Variants in LRP1B observed in about 807,000 individuals in gnomAD.
LRP1B encodes LDL receptor related protein 1B, also known as low-density lipoprotein receptor-related protein 1B.
Under a neutral mutation model 556.6 loss-of-function variants are expected in LRP1B, and 217 were observed. That is an observed-to-expected ratio of 0.39 (90% CI 0.35 to 0.44). LRP1B has a LOEUF of 0.44. Among genes scored for constraint, LRP1B ranks in the 20% least tolerant of loss-of-function variants. LRP1B has a pLI of 1.00. For missense variants in LRP1B, 5,053 were observed against 5,620.8 expected, an observed-to-expected ratio of 0.90 and a Z score of 3.23; for synonymous variants, 2,047 against 1,865.8, an observed-to-expected ratio of 1.10 and a Z score of -2.50.
chr2:141,314,896 A>ATGTG (rs1686960832), intron 3 of LRP1B, among the ~76,000 whole-genome samples: 1 of 126,120 alleles, frequency 7.9e-6, no homozygotes, highest in East Asian at 2.4e-4. Flanking sequence ...ACATATATAC[A>ATGTG]TATATATATA....
intron 7 of LRP1B, among the ~76,000 whole-genome samples, chr2:141,140,354 G>A (rs1285631689): frequency 1.3e-5 from 2 of 151,980 alleles, no homozygotes; most frequent in African/African-American, 4.8e-5. Context: ...CAGAATAAAA[G>A]AAATCTATTA....
intron 1 of LRP1B, among the ~76,000 whole-genome samples, chr2:141,926,478 T>C (rs1461199738): frequency 1.3e-5 from 2 of 152,076 alleles, no homozygotes; most frequent in East Asian, 1.9e-4. Context: ...AAACTCTAAA[T>C]AAAACAAACA....
intron 2 of LRP1B, among the ~76,000 whole-genome samples, chr2:141,532,875 A>G (rs1684936363): frequency 6.6e-6 from 1 of 152,160 alleles, no homozygotes; most frequent in South Asian, 2.1e-4. Context: ...AATCCCAGCT[A>G]CTTGGGAGGC....
At chr2:140,415,985 G>T (rs764928495) in intron 66 of LRP1B, among the ~76,000 whole-genome samples, 30 of 152,168 alleles carry the variant, frequency 2.0e-4, no homozygotes, top group Admixed American at 3.9e-4. Flanking sequence ...AGGCTGAATT[G>T]GTCTCCTAGT....
At chr2:141,438,286 T>C (rs1029682955) in intron 3 of LRP1B, among the ~76,000 whole-genome samples, 1 of 152,176 alleles carries the variant, frequency 6.6e-6, no homozygotes, top group Non-Finnish European at 1.5e-5. Context: ...TGTGTATGTG[T>C]GTGCATGTGT....
At chr2:141,976,948 A>C (rs1288948843) in intron 1 of LRP1B, among the ~76,000 whole-genome samples, 5 of 152,188 alleles carry the variant, frequency 3.3e-5, no homozygotes, top group Non-Finnish European at 5.9e-5. Context: ...TATGCTGAAC[A>C]TTATGAATGA....
intron 2 of LRP1B, among the ~76,000 whole-genome samples, chr2:141,510,284 T>C (rs1684080191): frequency 6.6e-6 from 1 of 151,694 alleles, no homozygotes; most frequent in African/African-American, 2.4e-5. Context: ...CATATACGTA[T>C]GTGCAGAAAT....
chr2:140,438,693 C>A (rs1401118), intron 66 of LRP1B, among the ~76,000 whole-genome samples: 1,796 of 152,198 alleles, frequency 0.012, 36 homozygotes, highest in African/African-American at 0.041. Context: ...ATAGCTAACA[C>A]ATTAATTAAA....
chr2:141,050,833 G>T (rs1044424774), intron 10 of LRP1B, among the ~76,000 whole-genome samples: 9 of 152,064 alleles, frequency 5.9e-5, no homozygotes, highest in African/African-American at 2.2e-4. Flanking sequence ...ACTAGCATCA[G>T]AGTGAATGGG....
At chr2:140,527,808 T>A (rs1003985889) in intron 47 of LRP1B, among the ~76,000 whole-genome samples, 8 of 151,930 alleles carry the variant, frequency 5.3e-5, no homozygotes, top group African/African-American at 1.9e-4. Context: ...ATCATGTCAA[T>A]CATTTACCTT....
chr2:140,633,062 C>CAAAAA (rs1342006327), intron 41 of LRP1B, among the ~76,000 whole-genome samples: 8 of 111,780 alleles, frequency 7.2e-5, no homozygotes, highest in South Asian at 2.8e-4. Context: ...GATTCAGTCT[C>CAAAAA]AAAAAAAAGA....
chr2:141,339,309 A>AG lies in LRP1B; in HGVS notation c.344-84669_344-84668insC, dbSNP rs1220599090. ...ACTGCTTGGGGTAACGCAAAAAAAA[A>AG]AAAAAGCATTCAAAACTACTGAATT... is the stretch of plus-strand genomic sequence containing the variant. On this transcript the variant is annotated intron_variant, in intron 3 of 90. Coordinates refer to ENST00000389484, the MANE Select transcript of LRP1B (RefSeq NM_018557.3). Among the ~76,000 whole-genome samples, 572 of 149,396 alleles carry AG rather than the reference A, an allele frequency of 3.8e-3. 6 individuals carry two copies. The highest frequency in any genetic ancestry group is 0.013 in the African/African-American group (540 of 40,520).
intron 3 of LRP1B, among the ~76,000 whole-genome samples, chr2:141,370,213 GA>G (rs1323127218): frequency 6.6e-6 from 1 of 152,052 alleles, no homozygotes; most frequent in Non-Finnish European, 1.5e-5. Context: ...ATTTCTTTGA[GA>G]AATCTCCAAA....
At chr2:140,256,449 C>CTTTTTTTTTTTTT (rs764826231) in intron 86 of LRP1B, among the ~76,000 whole-genome samples, 1 of 25,290 alleles carries the variant, frequency 4.0e-5, no homozygotes, top group African/African-American at 1.3e-4. Context: ...TTTTTCCTTC[C>CTTTTTTTTTTTTT]TTTTTTTTTT....
intron 1 of LRP1B, among the ~76,000 whole-genome samples, chr2:142,082,703 C>T (rs2104933918): frequency 6.6e-6 from 1 of 152,244 alleles, no homozygotes; most frequent in Middle Eastern, 3.4e-3. Context: ...TTATATTAAA[C>T]AGAATAGTCA....
chr2:140,779,734 G>A (rs1250100324), intron 32 of LRP1B, among the ~76,000 whole-genome samples: 1 of 137,168 alleles, frequency 7.3e-6, no homozygotes, highest in Non-Finnish European at 1.6e-5. Context: ...TGTGTGTGGT[G>A]TGTCTGTCTC....
intron 7 of LRP1B, among the ~76,000 whole-genome samples, chr2:141,140,864 T>G (rs1701634143): frequency 6.6e-6 from 1 of 152,054 alleles, no homozygotes; most frequent in Admixed American, 6.6e-5. Flanking sequence ...CAATTATATA[T>G]AATATACATA....
chr2:140,544,470 T>A (rs547241881), intron 43 of LRP1B, among the ~76,000 whole-genome samples: 1 of 152,194 alleles, frequency 6.6e-6, no homozygotes, highest in African/African-American at 2.4e-5. Flanking sequence ...CTCTCGCTCC[T>A]CTCACCCTCT....
chr2:141,186,276 T>C (rs1402758112), intron 7 of LRP1B, among the ~76,000 whole-genome samples: 1 of 148,664 alleles, frequency 6.7e-6, no homozygotes, highest in African/African-American at 2.4e-5. Flanking sequence ...CATATCATCC[T>C]GTAAAATTAG....
Sources: allele counts gnomAD v4.1 joint callset (sites outside exome capture counted in the v4.1 genomes callset), GRCh38; gene constraint gnomAD v4.1.1; transcripts MANE v1.5; gene names NCBI Gene and HGNC (gene_info 2026-07-23, HGNC 2026-07-21).